TMC6: variants seen among roughly 807,000 people sequenced by gnomAD.
TMC6 encodes transmembrane channel-like protein 6.
TMC6 carries 71 observed loss-of-function variants against 95.4 expected under a neutral mutation model. The ratio of observed to expected loss-of-function variants is 0.74; its 90% confidence interval spans 0.61 to 0.91. The LOEUF (loss-of-function observed/expected upper bound fraction) is 0.91, where lower values mean the gene tolerates loss of function less well. Among genes scored for constraint, TMC6 ranks in the 40% least tolerant of loss-of-function variants. TMC6 has a pLI of 0.00. For missense variants in TMC6, 1,074 were observed against 1,079.1 expected (o/e 1.00, Z 0.07); for synonymous variants, 514 against 483.1 (o/e 1.06, Z -0.84).
In TMC6 at chr17:78,110,727, C is replaced by T. The variant is rs1412830485; in HGVS notation, c.*2421G>A. ...TGCTCTCATCGAGCAAACATGGCCT[C>T]CTTGCAACACCTCAAATGGGTGCCA... is the stretch of plus-strand genomic sequence containing the variant. On this transcript the variant is annotated 3_prime_UTR_variant, in exon 20 of 20. Coordinates refer to ENST00000590602, the MANE Select transcript of TMC6 (RefSeq NM_001127198.5). 1 of 152,264 alleles carries T rather than the reference C, an allele frequency of 6.6e-6. No individual in the cohort carries two copies. The highest frequency in any genetic ancestry group is 1.5e-5 in the Non-Finnish European group (1 of 68,052). The allele number at this position is 152,264 out of a possible 1,614,324, so 9.4% of individuals were successfully genotyped here.
At chr17:78,124,376 G>A (rs1380360485) in intron 8 of TMC6, 148 bp downstream of exon 8, 1 of 1,394,786 alleles carries the variant, frequency 7.2e-7, no homozygotes, top group Non-Finnish European at 9.8e-7. Flanking sequence ...GGGTCATTGA[G>A]GGGGAGGCGG....
intron 3 of TMC6, 41 bp downstream of exon 3, chr17:78,126,483 A>G (rs1316065593): frequency 1.3e-5 from 21 of 1,611,566 alleles, no homozygotes; most frequent in Non-Finnish European, 1.7e-5. Flanking sequence ...GGGGCACCCA[A>G]GTCTTGGTCC....
At position 78,117,906 on chromosome 17, in the gene TMC6, C is replaced by A; in HGVS notation, c.1917G>T (p.Pro639=). The change falls in exon 16 of 20, where the codon CCG becomes CCT. Residue 639 remains proline (P), a synonymous_variant. Coordinates refer to ENST00000590602, the MANE Select transcript of TMC6 (RefSeq NM_001127198.5). The part of the protein sequence containing the change: ...KTSLLANCQA[P]RRPWLASHMS... ...TGTGTGAGGCCAGCCAGGGCCGGCG[C>A]GGCGCCTGGCAGTTGGCCAGAAGGC... 6.2e-7 allele frequency: 1 copy of A among 1,604,296 alleles called. No homozygotes were observed. Among genetic ancestry groups the A allele is most frequent in the Non-Finnish European group, 8.5e-7 (1 of 1,176,216 alleles).
rs780498020 is a variant in TMC6, at chr17:78,126,279, A to G, written c.269T>C (p.Ile90Thr). Residue 90 changes from isoleucine (I) to threonine (T), a missense_variant and splice_region_variant, in exon 4 of 20, where the codon ATT becomes ACT. Transcript: ENST00000590602. The stretch of plus-strand genomic sequence containing the variant: ...CCGAGGCTGAGGGTCCCACTCACCA[A>G]TGGTGCGGCTGGGCATGCTGGCCAG... ...RILASMPSRT[I>T]GRSRGAIISQ... 2 of 1,558,246 alleles carry G rather than the reference A, an allele frequency of 1.3e-6. No individual in the cohort carries two copies. The highest frequency in any genetic ancestry group is 1.9e-5 in the Admixed American group (1 of 52,838).
intron 18 of TMC6, among the ~76,000 whole-genome samples, chr17:78,114,656 G>A (rs1437888883): frequency 6.6e-6 from 1 of 151,984 alleles, no homozygotes; most frequent in Non-Finnish European, 1.5e-5. Context: ...GATTGGCTCT[G>A]GGCACCTGGC....
At chr17:78,115,114 A>G (rs1230508805) in intron 18 of TMC6, among the ~76,000 whole-genome samples, 1 of 152,232 alleles carries the variant, frequency 6.6e-6, no homozygotes, top group African/African-American at 2.4e-5. Context: ...GAAAGGCAGG[A>G]GATGGGACAG....
intron 18 of TMC6, chr17:78,113,929 G>C: frequency 4.6e-6 from 2 of 430,974 alleles, no homozygotes; most frequent in Non-Finnish European, 4.3e-6. Flanking sequence ...GCTCTGCCTT[G>C]GGTTACTAAC....
intron 18 of TMC6, among the ~76,000 whole-genome samples, chr17:78,116,859 G>A (rs2074143443): frequency 6.6e-6 from 1 of 152,112 alleles, no homozygotes. Flanking sequence ...CAGCCTGGGT[G>A]ACAGAGCGAG....
rs1183148732 is a variant in TMC6, at chr17:78,125,725, CCCT to C, written c.428_430del (p.Glu144del). 6.4e-7 allele frequency: 1 copy of C among 1,563,924 alleles called. No homozygotes were observed. Among genetic ancestry groups the C allele is most frequent in the Non-Finnish European group, 8.7e-7 (1 of 1,154,674 alleles). On this transcript the variant is annotated inframe_deletion and splice_region_variant, in exon 5 of 20. Transcript: ENST00000590602. ...TGGGGCTCCAGTGCCCACTCACTCA[CCCT>C]CCTCCTCCAGGGCCGTGGGGTCCAG...
upstream of TMC6, chr17:78,132,400 C>G: frequency 3.1e-6 from 5 of 1,613,028 alleles, no homozygotes; most frequent in South Asian, 1.1e-5. Context: ...CACCTTCCTC[C>G]GCTTCCTGCT....
chr17:78,129,078 C>T (rs910953991), upstream of TMC6, among the ~76,000 whole-genome samples: 1 of 151,754 alleles, frequency 6.6e-6, no homozygotes, highest in Non-Finnish European at 1.5e-5. The surrounding 1 kb of genome is among the most constrained non-coding windows in gnomAD (Gnocchi z 4.3). Flanking sequence ...CGCCGAAAGC[C>T]CCAGGGACAC....
rs1172762840 is a variant in TMC6 at position 78,124,111 on chromosome 17, G to A, written c.960C>T (p.Gly320=). Residue 320 remains glycine (G), a synonymous_variant, in exon 9 of 20, where the codon GGC becomes GGT. Coordinates refer to ENST00000590602, the MANE Select transcript of TMC6 (RefSeq NM_001127198.5). ...YSNATLNQPC[G]SPLDGSQCTP... ...TGCACTGGCTGCCATCCAGGGGGCT[G>A]CCACACGGCTGGTTCAGCGTGGCGT... The A allele has an allele frequency of 6.2e-7, 1 of 1,613,270 alleles. No homozygotes were observed. The highest frequency in any genetic ancestry group is 8.5e-7 in the Non-Finnish European group (1 of 1,179,968).
chr17:78,118,865 C>T, intron 15 of TMC6, 106 bp downstream of exon 15: 1 of 1,313,864 alleles, frequency 7.6e-7, no homozygotes, highest in East Asian at 2.5e-5. Flanking sequence ...CCCCACTCCA[C>T]TCAGGTGGGG....
rs1490699173 is a variant in TMC6, at chr17:78,108,919, C to A, written c.*4229G>T. The stretch of plus-strand genomic sequence containing the variant: ...GCAGTGATGTAATCTCGGCTCACTG[C>A]AACCTTGACCTCAAGGTTAAGCTCC... On this transcript the variant is annotated 3_prime_UTR_variant, in exon 20 of 20. Coordinates refer to ENST00000590602, the MANE Select transcript of TMC6 (RefSeq NM_001127198.5). 6.4e-6 allele frequency: 1 copy of A among 155,582 alleles called. No individual in the cohort carries two copies. Among genetic ancestry groups the A allele is most frequent in the East Asian group, 1.9e-4 (1 of 5,274 alleles). The allele number at this position is 155,582 out of a possible 1,614,324, so 9.6% of individuals were successfully genotyped here.
At chr17:78,116,180 A>T (rs1265159808) in intron 18 of TMC6, among the ~76,000 whole-genome samples, 3 of 150,300 alleles carry the variant, frequency 2.0e-5, no homozygotes, top group Admixed American at 1.3e-4. Context: ...TTTTGCCATG[A>T]TGGTCAGGCT....
Position 78,124,097 on chromosome 17 carries a change from C to A in TMC6, c.974G>T (p.Gly325Val), listed in dbSNP as rs778971177. ...ACCCACCCTGGGTGTGCACTGGCTGCCATCCAGGGGGCTGCCACACGGCTG... is the reference window on the plus strand; with the variant it reads ...ACCCACCCTGGGTGTGCACTGGCTGACATCCAGGGGGCTGCCACACGGCTG... ...LNQPCGSPLD[G>V]SQCTPRVGGL... is the part of the protein sequence containing the mutation. The change falls in exon 9 of 20, where the codon GGC (glycine) becomes GTC (valine). Residue 325 changes from glycine to valine, a missense_variant. Gly to Val is a moderately radical substitution (Grantham distance 109). Coordinates refer to ENST00000590602, the MANE Select transcript of TMC6 (RefSeq NM_001127198.5). 1 of 1,613,296 alleles carries A rather than the reference C, an allele frequency of 6.2e-7. No homozygotes were observed. Among genetic ancestry groups the A allele is most frequent in the Admixed American group, 1.7e-5 (1 of 60,010 alleles).
rs2073905913 is a variant in TMC6, at chr17:78,113,620, C to A, written c.2282G>T (p.Gly761Val). The A allele has an allele frequency of 6.2e-7, 1 of 1,613,644 alleles. No homozygotes were observed. The highest frequency in any genetic ancestry group is 8.5e-7 in the Non-Finnish European group (1 of 1,179,990). ...CLLKEQISNE[G>V]EDKIFLINKL... ...GTTGATTAAGAAGATTTTGTCCTCA[C>A]CCTCCTAGAAAGGCCAGAACACAAA... The change falls in exon 19 of 20, where the codon GGT becomes GTT. Residue 761 changes from glycine to valine, a missense_variant. Physicochemically the swap from Gly to Val is moderately radical, Grantham distance 109. Coordinates refer to ENST00000590602, the MANE Select transcript of TMC6 (RefSeq NM_001127198.5).
chr17:78,112,857 C>T lies in TMC6; in HGVS notation c.*291G>A. On this transcript the variant is annotated 3_prime_UTR_variant, in exon 20 of 20. Transcript: ENST00000590602. ...ACCCAGACCTGCGCCTGGAGGTGGCCCCAGGGCAGCGGGAAGCAGGCCCCG... is the reference window on the plus strand; with the variant it reads ...ACCCAGACCTGCGCCTGGAGGTGGCTCCAGGGCAGCGGGAAGCAGGCCCCG... 4 of 489,764 alleles carry T rather than the reference C, an allele frequency of 8.2e-6. No homozygotes were observed. Among genetic ancestry groups the T allele is most frequent in the Non-Finnish European group, 1.5e-5 (4 of 275,486 alleles). The allele number at this position is 489,764 out of a possible 1,614,324, so 30.3% of individuals were successfully genotyped here. A position where few individuals can be genotyped will look rare whatever the true frequency, so the allele number is the denominator to read the frequency against.
chr17:78,115,008 C>T (rs1473257468), intron 18 of TMC6, among the ~76,000 whole-genome samples: 1 of 152,262 alleles, frequency 6.6e-6, no homozygotes, highest in East Asian at 1.9e-4. Flanking sequence ...GAAATGCCAC[C>T]CAGTAGGGCA....
Sources: gnomAD v4.1 joint callset for allele counts (sites outside exome capture counted in the v4.1 genomes callset) on GRCh38, gnomAD v4.1.1 for gene constraint, Gnocchi (gnomAD v3.1) non-coding constraint, MANE v1.5 for transcripts, NCBI Gene and HGNC (gene_info 2026-07-23, HGNC 2026-07-21) for gene names.